The following AFAP1 variants were observed in gnomAD, a reference collection of about 807,000 sequenced individuals.
AFAP1 encodes the protein actin filament-associated protein 1.
AFAP1 carries 75 observed loss-of-function variants against 93.9 expected under a neutral mutation model. The ratio of observed to expected loss-of-function variants is 0.80; its 90% confidence interval spans 0.66 to 0.97. AFAP1 has a LOEUF of 0.97. Among genes scored for constraint, AFAP1 ranks in the 50% least tolerant of loss-of-function variants. The probability of loss-of-function intolerance (pLI) is 0.00; values close to 1 mark genes in which losing one functional copy is unlikely to be tolerated. For missense variants in AFAP1, 1,201 were observed against 1,050.8 expected, an observed-to-expected ratio of 1.14 and a Z score of -1.98; for synonymous variants, 517 against 430.7, an observed-to-expected ratio of 1.20 and a Z score of -2.48.
rs78604008 is a variant in AFAP1 at position 7,793,782 on chromosome 4, G to A, written c.1311C>T (p.Leu437=). 607 of 1,565,774 alleles carry A rather than the reference G, an allele frequency of 3.9e-4. 5 individuals are homozygous for A. In the East Asian group the frequency reaches 0.011, roughly 28 times the overall value. ...EDMGRWIGIL[L]AETGSSTDPE... ...GGTCTGTGGACGATCCCGTCTCTGC[G>A]AGTAAAATCCCAATCCACCTGCCCA... Residue 437 remains leucine (L), a synonymous_variant, in exon 11 of 18, where the codon CTC becomes CTT. Coordinates refer to ENST00000420658, the MANE Select transcript of AFAP1 (RefSeq NM_001134647.2).
intron 1 of AFAP1, among the ~76,000 whole-genome samples, chr4:7,934,467 T>C (rs1721268205): frequency 6.6e-6 from 1 of 152,192 alleles, no homozygotes; most frequent in Non-Finnish European, 1.5e-5. Context: ...ACACTATATA[T>C]GACAGTATAA....
At chr4:7,859,591 CT>C (rs937102713) in intron 3 of AFAP1, among the ~76,000 whole-genome samples, 2 of 152,116 alleles carry the variant, frequency 1.3e-5, no homozygotes, top group Admixed American at 1.3e-4. Context: ...CTCAAATTCA[CT>C]AAAATATTTC....
intron 6 of AFAP1, among the ~76,000 whole-genome samples, chr4:7,833,724 G>A (rs1489542412): frequency 6.6e-6 from 1 of 151,790 alleles, no homozygotes; most frequent in African/African-American, 2.4e-5. Flanking sequence ...AAGCAGCTGG[G>A]ACTACAGGCA....
At chr4:7,828,770 G>C (rs561601376) in intron 6 of AFAP1, among the ~76,000 whole-genome samples, 1 of 152,288 alleles carries the variant, frequency 6.6e-6, no homozygotes, top group Non-Finnish European at 1.5e-5. Context: ...GCACTGAGAA[G>C]TCACATAGCT....
At chr4:7,813,116 T>C (rs1205018667) in intron 8 of AFAP1, among the ~76,000 whole-genome samples, 2 of 152,158 alleles carry the variant, frequency 1.3e-5, no homozygotes, top group Non-Finnish European at 2.9e-5. Context: ...TCTTTCTTCA[T>C]CTGAGATTCT....
chr4:7,804,647 G>A (rs1719346778), intron 9 of AFAP1, among the ~76,000 whole-genome samples: 1 of 152,180 alleles, frequency 6.6e-6, no homozygotes, highest in South Asian at 2.1e-4. Flanking sequence ...AGAGCAGGCA[G>A]GCAGAGCCTT....
At chr4:7,773,083 C>T in intron 15 of AFAP1, 73 bp from the exon 16 acceptor site, 1 of 1,510,504 alleles carries the variant, frequency 6.6e-7, no homozygotes, top group African/African-American at 1.4e-5. Flanking sequence ...GGCACCTGGT[C>T]CCCAAGAAGA....
At chr4:7,780,012 T>C (rs1200286400) in intron 13 of AFAP1, among the ~76,000 whole-genome samples, 1 of 152,130 alleles carries the variant, frequency 6.6e-6, no homozygotes, top group Non-Finnish European at 1.5e-5. Context: ...TCCCAACCAA[T>C]GTGGGGACAA....
intron 4 of AFAP1, among the ~76,000 whole-genome samples, chr4:7,854,389 G>A (rs1277335803): frequency 6.6e-6 from 1 of 152,172 alleles, no homozygotes; most frequent in Non-Finnish European, 1.5e-5. Context: ...ACCCTCAGGG[G>A]CACGCAGTCC....
intron 8 of AFAP1, 21 bp from the exon 9 acceptor site, chr4:7,809,784 A>C: frequency 3.1e-6 from 5 of 1,595,496 alleles, no homozygotes; most frequent in Non-Finnish European, 4.3e-6. Flanking sequence ...TAACAACAGC[A>C]AAAAAGCATG....
At chr4:7,902,386 T>C (rs918199605) in intron 1 of AFAP1, among the ~76,000 whole-genome samples, 3 of 152,218 alleles carry the variant, frequency 2.0e-5, no homozygotes, top group African/African-American at 7.2e-5. Flanking sequence ...CCTAAAATTA[T>C]GGGTAATTAT....
At chr4:7,854,093 G>C (rs1414636330) in intron 4 of AFAP1, among the ~76,000 whole-genome samples, 2 of 152,146 alleles carry the variant, frequency 1.3e-5, no homozygotes, top group Non-Finnish European at 2.9e-5. Context: ...CCAAATGCTA[G>C]AAAATACCCT....
intron 7 of AFAP1, among the ~76,000 whole-genome samples, chr4:7,816,965 T>G (rs1186600855): frequency 1.3e-5 from 2 of 152,222 alleles, no homozygotes; most frequent in Non-Finnish European, 2.9e-5. Context: ...GGCACCGCCC[T>G]GGCTCTCACA....
intron 11 of AFAP1, among the ~76,000 whole-genome samples, chr4:7,789,227 T>G (rs1044705524): frequency 3.3e-5 from 5 of 152,106 alleles, no homozygotes; most frequent in African/African-American, 9.7e-5. Flanking sequence ...ACAATAGGAT[T>G]TGCAGCCAAA....
At chr4:7,927,727 A>G (rs1054222326) in intron 1 of AFAP1, among the ~76,000 whole-genome samples, 4 of 152,198 alleles carry the variant, frequency 2.6e-5, no homozygotes, top group African/African-American at 9.6e-5. Context: ...TATAATATAC[A>G]AAATAGCTGG....
intron 1 of AFAP1, among the ~76,000 whole-genome samples, chr4:7,920,413 T>G (rs1720376803): frequency 6.6e-6 from 1 of 152,222 alleles, no homozygotes; most frequent in African/African-American, 2.4e-5. Context: ...TGGATAAAAT[T>G]TGTAACTTCT....
At chr4:7,807,116 G>A (rs1719582795) in intron 9 of AFAP1, among the ~76,000 whole-genome samples, 1 of 152,098 alleles carries the variant, frequency 6.6e-6, no homozygotes, top group African/African-American at 2.4e-5. Flanking sequence ...GACGGGTTTG[G>A]GCCAAAGTCT....
chr4:7,918,708 G>T (rs1720246215), intron 1 of AFAP1, among the ~76,000 whole-genome samples: 1 of 129,560 alleles, frequency 7.7e-6, no homozygotes, highest in South Asian at 2.7e-4. Flanking sequence ...CAGGTCACCA[G>T]GAAACAGGGC....
At chr4:7,918,700 G>T (rs1288946770) in intron 1 of AFAP1, among the ~76,000 whole-genome samples, 1 of 136,200 alleles carries the variant, frequency 7.3e-6, no homozygotes, top group Non-Finnish European at 1.5e-5. Flanking sequence ...ACTCGGCCCA[G>T]GTCACCAGGA....
Sources: allele counts gnomAD v4.1 joint callset (sites outside exome capture counted in the v4.1 genomes callset), GRCh38; gene constraint gnomAD v4.1.1; transcripts MANE v1.5; gene names NCBI Gene and HGNC (gene_info 2026-07-23, HGNC 2026-07-21).